The following ACBD6 variants were observed in gnomAD, a reference collection of about 807,000 sequenced individuals.
ACBD6 encodes the protein acyl-CoA-binding domain-containing protein 6.
A neutral mutation model predicts 37.2 loss-of-function variants in ACBD6; 28 were observed. The observed-to-expected ratio is 0.75, with a 90% CI of 0.56 to 1.03. The LOEUF is 1.03. Ranked by LOEUF, ACBD6 falls within the 50% of genes least tolerant of loss-of-function variation. The probability of loss-of-function intolerance (pLI) is 0.00; values close to 1 mark genes in which losing one functional copy is unlikely to be tolerated. For missense variants in ACBD6, 340 were observed against 337.4 expected, an observed-to-expected ratio of 1.01 and a Z score of -0.06; for synonymous variants, 113 against 126.8, an observed-to-expected ratio of 0.89 and a Z score of 0.73.
intron 6 of ACBD6, among the ~76,000 whole-genome samples, chr1:180,341,829 C>A (rs1455627370): frequency 6.6e-6 from 1 of 151,656 alleles, no homozygotes; most frequent in Non-Finnish European, 1.5e-5. Flanking sequence ...TTGGTACACT[C>A]TCTGAATTGG....
rs375543733 is a variant in ACBD6, at chr1:180,495,506, T to C, written c.242A>G (p.Asn81Ser). 6.2e-7 allele frequency: 1 copy of C among 1,611,124 alleles called. No individual in the cohort carries two copies. Among genetic ancestry groups the C allele is most frequent in the Non-Finnish European group, 8.5e-7 (1 of 1,178,354 alleles). ...ATCAAAGAAGCTTGGTTTAGGAGTA[T>C]TACAATTTCCAACTTTGACCTAAAT... The part of the protein sequence containing the change: ...RYKQVKVGNC[N>S]TPKPSFFDFE... The change falls in exon 2 of 8, where the codon AAT becomes AGT. Residue 81 changes from asparagine to serine, a missense_variant. Asn to Ser is a conservative substitution (Grantham distance 46). Coordinates refer to ENST00000367595, the MANE Select transcript of ACBD6 (RefSeq NM_032360.4).
At chr1:180,295,948 G>A (rs998288533) in intron 7 of ACBD6, among the ~76,000 whole-genome samples, 1 of 152,064 alleles carries the variant, frequency 6.6e-6, no homozygotes, top group Non-Finnish European at 1.5e-5. Context: ...TCAAAAGCTA[G>A]AAATGATTAA....
At chr1:180,370,556 C>A (rs1653223498) in intron 6 of ACBD6, among the ~76,000 whole-genome samples, 1 of 152,020 alleles carries the variant, frequency 6.6e-6, no homozygotes, top group Admixed American at 6.6e-5. Context: ...AATACAGTAA[C>A]ATTAGTTAAA....
intron 6 of ACBD6, among the ~76,000 whole-genome samples, chr1:180,363,603 G>A (rs1193618280): frequency 3.9e-5 from 6 of 152,138 alleles, no homozygotes; most frequent in African/African-American, 1.4e-4. Context: ...TGGGAGGGAG[G>A]ACTGAAAGGA....
chr1:180,358,554 C>T (rs1252359572), intron 6 of ACBD6, among the ~76,000 whole-genome samples: 4 of 26,278 alleles, frequency 1.5e-4, no homozygotes, highest in African/African-American at 2.8e-4. Context: ...ATACAGAAAC[C>T]CCAAAAAAAA....
chr1:180,451,781 C>A lies in ACBD6; in HGVS notation c.385-21519G>T, dbSNP rs571686322. Among the ~76,000 whole-genome samples, 8 of 152,136 alleles carry A rather than the reference C, an allele frequency of 5.3e-5. No individual in the cohort carries two copies. The South Asian group carries it at 1.7e-3, about 32-fold the overall frequency. ...TTCTTTTTGAGGGGATGAAAATGTT[C>A]TAAGATGAATTGTAATGATGGTTGT... On this transcript the variant is annotated intron_variant, in intron 3 of 7. Coordinates refer to ENST00000367595, the MANE Select transcript of ACBD6 (RefSeq NM_032360.4).
intron 6 of ACBD6, among the ~76,000 whole-genome samples, chr1:180,366,142 C>T (rs1459283371): frequency 6.6e-6 from 1 of 152,176 alleles, no homozygotes; most frequent in Non-Finnish European, 1.5e-5. Context: ...ATCTCAGAAA[C>T]CATCAATGAG....
chr1:180,326,173 G>A (rs994239027), intron 6 of ACBD6, among the ~76,000 whole-genome samples: 7 of 152,102 alleles, frequency 4.6e-5, no homozygotes, highest in African/African-American at 1.4e-4. Flanking sequence ...GGGATTGGAG[G>A]AAAAAACCTT....
intron 6 of ACBD6, among the ~76,000 whole-genome samples, chr1:180,357,551 TAAGAG>T (rs1268319102): frequency 2.6e-5 from 4 of 152,150 alleles, no homozygotes; most frequent in African/African-American, 9.7e-5. Flanking sequence ...GAAATCCAAC[TAAGAG>T]AAGAAAGGAC....
At chr1:180,436,260 G>C (rs773344691) in intron 3 of ACBD6, among the ~76,000 whole-genome samples, 4 of 152,176 alleles carry the variant, frequency 2.6e-5, no homozygotes, top group Non-Finnish European at 5.9e-5. Flanking sequence ...TTCATATTGA[G>C]TAAATGAAAG....
chr1:180,484,258 A>G (rs1651169333), intron 3 of ACBD6, among the ~76,000 whole-genome samples: 1 of 149,768 alleles, frequency 6.7e-6, no homozygotes, highest in Admixed American at 6.7e-5. Flanking sequence ...AATTTCACCA[A>G]AGTTTTTACA....
At chr1:180,369,845 C>A (rs779643245) in intron 6 of ACBD6, among the ~76,000 whole-genome samples, 9 of 152,164 alleles carry the variant, frequency 5.9e-5, no homozygotes, top group Non-Finnish European at 1.3e-4. Context: ...TGTGTTACAG[C>A]ATACTTATTT....
intron 6 of ACBD6, among the ~76,000 whole-genome samples, chr1:180,355,641 CT>C (rs1442676008): frequency 1.3e-5 from 2 of 152,056 alleles, no homozygotes; most frequent in Non-Finnish European, 2.9e-5. Flanking sequence ...CTGGTTCTTT[CT>C]TTTTCCACAG....
intron 4 of ACBD6, among the ~76,000 whole-genome samples, chr1:180,416,689 C>G (rs988966999): frequency 6.6e-6 from 1 of 152,168 alleles, no homozygotes; most frequent in Non-Finnish European, 1.5e-5. Flanking sequence ...CTGGTTTTGA[C>G]ATTCTTTTGA....
At chr1:180,282,069 A>G (rs1040844736) in intron 8 of ACBD6, among the ~76,000 whole-genome samples, 4 of 152,068 alleles carry the variant, frequency 2.6e-5, no homozygotes, top group African/African-American at 4.8e-5. Context: ...TCCTTTAGCC[A>G]TCTCCAAAAA....
At chr1:180,460,035 C>T (rs957781899) in intron 3 of ACBD6, among the ~76,000 whole-genome samples, 1 of 139,376 alleles carries the variant, frequency 7.2e-6, no homozygotes, top group Non-Finnish European at 1.5e-5. Flanking sequence ...CAACGTGCAG[C>T]TTTGTTACAT....
At chr1:180,460,469 G>T (rs1472504387) in intron 3 of ACBD6, among the ~76,000 whole-genome samples, 1 of 152,088 alleles carries the variant, frequency 6.6e-6, no homozygotes, top group African/African-American at 2.4e-5. Context: ...GTTCCTCCTG[G>T]CTGGGCGAGA....
At chr1:180,330,371 G>T (rs1324350265) in intron 6 of ACBD6, among the ~76,000 whole-genome samples, 1 of 151,656 alleles carries the variant, frequency 6.6e-6, no homozygotes, top group African/African-American at 2.4e-5. Context: ...GGTGAGCCAT[G>T]ATTATACCAC....
At chr1:180,298,885 G>A (rs538599077) in intron 7 of ACBD6, among the ~76,000 whole-genome samples, 8 of 152,154 alleles carry the variant, frequency 5.3e-5, no homozygotes, top group Non-Finnish European at 1.2e-4. Context: ...AAGGACAAGG[G>A]TCCTTTTAAA....
Sources: gnomAD v4.1 joint callset for allele counts (sites outside exome capture counted in the v4.1 genomes callset) on GRCh38, gnomAD v4.1.1 for gene constraint, MANE v1.5 for transcripts, NCBI Gene and HGNC (gene_info 2026-07-23, HGNC 2026-07-21) for gene names.